The following CASK variants were observed in gnomAD, a reference collection of about 807,000 sequenced individuals.
The protein encoded by CASK is calcium/calmodulin dependent serine protein kinase.
CASK carries 4 observed loss-of-function variants against 82.9 expected under a neutral mutation model. The ratio of observed to expected loss-of-function variants is 0.05; its 90% CI spans 0.02 to 0.11. The LOEUF is 0.11. Among genes scored for constraint, CASK ranks in the 10% least tolerant of loss-of-function variants. CASK has a pLI of 1.00. For synonymous variants in CASK, 259 were observed against 253.5 expected, an observed-to-expected ratio of 1.02 and a Z score of -0.20; for missense variants, 358 against 720.9, an observed-to-expected ratio of 0.50 and a Z score of 5.76.
intron 8 of CASK, among the ~76,000 whole-genome samples, chrX:41,647,492 T>A (rs1421243066): frequency 9.0e-6 from 1 of 111,579 alleles, no homozygotes; most frequent in Non-Finnish European, 1.9e-5. Context: ...TGTAGTAAAT[T>A]TTAGAATTAA....
In CASK at chrX:41,517,778, G is replaced by GCAT. The variant is rs1214483754; in HGVS notation, c.*2641_*2642insATG. 7.7e-6 allele frequency: 5 copies of GCAT among 645,275 alleles called. No individual in the cohort carries two copies. The African/African-American group carries it at 1.4e-4, about 18-fold the overall frequency. 53.2% of individuals were successfully genotyped at this position (645,275 alleles called of 1,213,427 possible). ...CAATTGTAATGTAGCAGTAGCAGCA[G>GCAT]CAGCAGCAGCAGCAGCAGCAGCAGC... On this transcript the variant is annotated 3_prime_UTR_variant, in exon 27 of 27. Transcript: ENST00000378163.
At chrX:41,854,220 G>A (rs867166145) in intron 1 of CASK, among the ~76,000 whole-genome samples, 54 of 55,771 alleles carry the variant, frequency 9.7e-4, no homozygotes, top group African/African-American at 2.1e-3. Context: ...GCGCGCGGGC[G>A]CGCGCACACA....
At chrX:41,891,264 A>C (rs1416186744) in intron 1 of CASK, among the ~76,000 whole-genome samples, 1 of 103,943 alleles carries the variant, frequency 9.6e-6, no homozygotes, top group Non-Finnish European at 2.0e-5. Flanking sequence ...ACTGGCTTCA[A>C]AGACCAGATA....
chrX:41,780,638 CTAT>C (rs980382908), intron 3 of CASK, among the ~76,000 whole-genome samples: 3 of 111,141 alleles, frequency 2.7e-5, no homozygotes, highest in Non-Finnish European at 3.8e-5. Flanking sequence ...TAGATATCAA[CTAT>C]TATTATTATT....
At chrX:41,553,616 T>C in intron 21 of CASK, 103 bp downstream of exon 21, 1 of 617,696 alleles carries the variant, frequency 1.6e-6, no homozygotes, top group Non-Finnish European at 2.6e-6. Context: ...GGAAGGAATA[T>C]ATCAAACAGG....
chrX:41,615,735 C>T lies in CASK; in HGVS notation c.1034-5710G>A, dbSNP rs184985105. 1.0e-4 allele frequency among the ~76,000 whole-genome samples: 11 copies of T among 109,620 alleles called. No individual in the cohort carries two copies. The East Asian group carries it at 3.2e-3, about 32-fold the overall frequency. On this transcript the variant is annotated intron_variant, in intron 11 of 26. Transcript: ENST00000378163. ...GCAACCTCTGCCTCCTGGGTTCAAG[C>T]GATTCTCGTGCCTCAGCCACCCAAG...
chrX:41,731,441 A>C (rs1190667120), intron 5 of CASK, among the ~76,000 whole-genome samples: 1 of 112,153 alleles, frequency 8.9e-6, no homozygotes, highest in Non-Finnish European at 1.9e-5. Context: ...CAAAAAACCC[A>C]AAAAATACAA....
intron 5 of CASK, among the ~76,000 whole-genome samples, chrX:41,736,210 C>T (rs1338877677): frequency 9.1e-6 from 1 of 110,008 alleles, no homozygotes; most frequent in African/African-American, 3.3e-5. Flanking sequence ...TAAAGAATAT[C>T]AACACCGGGC....
intron 2 of CASK, among the ~76,000 whole-genome samples, chrX:41,801,833 T>A (rs1008835665): frequency 5.4e-5 from 6 of 111,496 alleles, no homozygotes; most frequent in African/African-American, 2.0e-4. Flanking sequence ...ACTGGAAAGT[T>A]CCATGTATTA....
chrX:41,909,113 G>C (rs2072518031), intron 1 of CASK, among the ~76,000 whole-genome samples: 1 of 111,875 alleles, frequency 8.9e-6, no homozygotes, highest in South Asian at 3.7e-4. Flanking sequence ...AGAAATAGCT[G>C]TGCTCCAACC....
At chrX:41,540,152 TGCCCAGAC>T (rs991058591) in intron 22 of CASK, among the ~76,000 whole-genome samples, 1 of 111,917 alleles carries the variant, frequency 8.9e-6, no homozygotes, top group African/African-American at 3.2e-5. Flanking sequence ...AAGGTTCTGA[TGCCCAGAC>T]GGCCGCTGGT....
At chrX:41,838,449 A>C (rs1259846908) in intron 2 of CASK, among the ~76,000 whole-genome samples, 1 of 111,775 alleles carries the variant, frequency 8.9e-6, no homozygotes, top group Non-Finnish European at 1.9e-5. Context: ...ATTAGGGTAC[A>C]TTTTCTTTCA....
intron 2 of CASK, 124 bp from the exon 3 acceptor site, chrX:41,787,407 C>T (rs2069629881): frequency 2.0e-6 from 1 of 508,534 alleles, no homozygotes; most frequent in African/African-American, 2.3e-5. Context: ...GATGAAATCC[C>T]CCATTTAAAC....
At chrX:41,676,415 T>A in intron 5 of CASK, 2 of 1,197,689 alleles carry the variant, frequency 1.7e-6, no homozygotes, top group Non-Finnish European at 2.2e-6. Flanking sequence ...AGTTACAGAC[T>A]TCATGCAGGC....
intron 3 of CASK, among the ~76,000 whole-genome samples, chrX:41,758,435 CA>C (rs746659684): frequency 0.02 from 881 of 43,429 alleles, 2 homozygotes; most frequent in Non-Finnish European, 0.027. Flanking sequence ...GACTTCATCT[CA>C]AAAAAAAAAA....
chrX:41,652,738 C>T (rs1413120701), intron 8 of CASK, among the ~76,000 whole-genome samples: 2 of 112,124 alleles, frequency 1.8e-5, no homozygotes, highest in African/African-American at 3.3e-5. Context: ...GGTGCATCCA[C>T]AGAGGGCATG....
chrX:41,892,886 A>C (rs1469007680), intron 1 of CASK, among the ~76,000 whole-genome samples: 1 of 111,887 alleles, frequency 8.9e-6, no homozygotes, highest in Non-Finnish European at 1.9e-5. Flanking sequence ...TGAAGTAGTA[A>C]ACAAAGCAGT....
At chrX:41,726,228 T>G (rs1012901613) in intron 5 of CASK, among the ~76,000 whole-genome samples, 8 of 112,754 alleles carry the variant, frequency 7.1e-5, no homozygotes, top group Admixed American at 5.6e-4. Flanking sequence ...AGACTACAGG[T>G]GCAGAGCCAC....
chrX:41,845,565 C>T (rs1454694710), intron 2 of CASK, among the ~76,000 whole-genome samples: 2 of 111,463 alleles, frequency 1.8e-5, no homozygotes. Flanking sequence ...TCATTTTCTA[C>T]TCATTTACTT....
Sources: gnomAD v4.1 joint callset for allele counts (sites outside exome capture counted in the v4.1 genomes callset) on GRCh38, gnomAD v4.1.1 for gene constraint, MANE v1.5 for transcripts, NCBI Gene and HGNC (gene_info 2026-07-23, HGNC 2026-07-21) for gene names.